Variants in IQCJ observed in about 807,000 individuals in gnomAD.
IQCJ encodes the protein IQ domain-containing protein J.
Under a neutral mutation model 11.0 loss-of-function variants are expected in IQCJ, and 9 were observed. The ratio of observed to expected loss-of-function variants is 0.82; its 90% CI spans 0.49 to 1.43. The LOEUF is 1.43. IQCJ is among the 40% of genes most tolerant of loss of function. The pLI is 0.00. For missense variants in IQCJ, 146 were observed against 133.2 expected (o/e 1.10, Z -0.47); for synonymous variants, 55 against 51.3 (o/e 1.07, Z -0.31).
chr3:159,260,511 G>A (rs941590419), intron 3 of IQCJ, among the ~76,000 whole-genome samples: 8 of 152,098 alleles, frequency 5.3e-5, no homozygotes, highest in Admixed American at 5.2e-4. Flanking sequence ...GAATTTGTTA[G>A]CTGGGCTCTG....
chr3:159,207,560 T>C (rs550264074), intron 1 of IQCJ, among the ~76,000 whole-genome samples: 10 of 152,210 alleles, frequency 6.6e-5, no homozygotes, highest in Non-Finnish European at 1.3e-4. Context: ...GTTGTTGCCT[T>C]GATGGGTTTC....
At chr3:159,223,312 C>T (rs1725655943) in intron 1 of IQCJ, among the ~76,000 whole-genome samples, 1 of 151,866 alleles carries the variant, frequency 6.6e-6, no homozygotes, top group African/African-American at 2.4e-5. Context: ...TAGGTAGCGG[C>T]CATATGCAAT....
intron 1 of IQCJ, among the ~76,000 whole-genome samples, chr3:159,121,588 A>G (rs553027232): frequency 1.3e-5 from 2 of 152,266 alleles, no homozygotes; most frequent in East Asian, 1.9e-4. Flanking sequence ...TTTTTGTCTG[A>G]GCTCCAGTTG....
intron 1 of IQCJ, among the ~76,000 whole-genome samples, chr3:159,133,947 CCACCAGGCTGTTTT>C (rs1297194980): frequency 6.6e-6 from 1 of 151,648 alleles, no homozygotes; most frequent in African/African-American, 2.4e-5. Flanking sequence ...ATCAAGGTAT[CCACCAGGCTGTTTT>C]CTCCTCCAAA....
chr3:159,144,235 A>G (rs1286673408), intron 1 of IQCJ, among the ~76,000 whole-genome samples: 1 of 152,206 alleles, frequency 6.6e-6, no homozygotes, highest in Non-Finnish European at 1.5e-5. Flanking sequence ...TTGAACATTT[A>G]TTCAGTTGCA....
chr3:159,239,418 A>T (rs534469829), intron 1 of IQCJ, among the ~76,000 whole-genome samples: 1 of 152,292 alleles, frequency 6.6e-6, no homozygotes, highest in African/African-American at 2.4e-5. Context: ...AGTGGCTGGC[A>T]CAAATTGCAA....
At chr3:159,243,440 A>C (rs1727055156) in intron 1 of IQCJ, among the ~76,000 whole-genome samples, 1 of 152,232 alleles carries the variant, frequency 6.6e-6, no homozygotes, top group African/African-American at 2.4e-5. Context: ...AGCAATAAAA[A>C]GAAATGAGCT....
chr3:159,079,525 T>C (rs964028421), intron 1 of IQCJ, among the ~76,000 whole-genome samples: 1 of 151,898 alleles, frequency 6.6e-6, no homozygotes, highest in South Asian at 2.1e-4. Flanking sequence ...TTATACTTAC[T>C]GAAAAAAATA....
At chr3:159,092,474 C>T (rs780949322) in intron 1 of IQCJ, among the ~76,000 whole-genome samples, 4 of 151,742 alleles carry the variant, frequency 2.6e-5, no homozygotes, top group African/African-American at 4.9e-5. Context: ...CCAAGGTGGG[C>T]GGATCACGAG....
chr3:159,132,201 A>C (rs1720031175), intron 1 of IQCJ, among the ~76,000 whole-genome samples: 1 of 152,180 alleles, frequency 6.6e-6, no homozygotes. Flanking sequence ...TTGTTTTTTA[A>C]GATTTAGGCT....
intron 1 of IQCJ, among the ~76,000 whole-genome samples, chr3:159,161,771 C>T (rs1166150333): frequency 6.6e-6 from 1 of 152,172 alleles, no homozygotes; most frequent in Non-Finnish European, 1.5e-5. Context: ...TTCCCAGCAC[C>T]ATTTATTAAA....
At chr3:159,188,098 TTTTC>T (rs1723477374) in intron 1 of IQCJ, among the ~76,000 whole-genome samples, 1 of 152,104 alleles carries the variant, frequency 6.6e-6, no homozygotes, top group African/African-American at 2.4e-5. Flanking sequence ...CTCTCAGCCT[TTTTC>T]TTTCTTTCAC....
chr3:159,174,233 G>T (rs1722651302), intron 1 of IQCJ, among the ~76,000 whole-genome samples: 1 of 151,998 alleles, frequency 6.6e-6, no homozygotes, highest in African/African-American at 2.4e-5. Flanking sequence ...CCATCTTCCA[G>T]ATTTCTCTAA....
At chr3:159,176,125 C>A (rs1046910074) in intron 1 of IQCJ, among the ~76,000 whole-genome samples, 4 of 152,042 alleles carry the variant, frequency 2.6e-5, no homozygotes, top group Non-Finnish European at 4.4e-5. Flanking sequence ...CATGTTTAAC[C>A]AAACTGCTTG....
downstream of IQCJ, chr3:159,265,136 C>T (rs1728427326): frequency 8.4e-7 from 1 of 1,197,586 alleles, no homozygotes; most frequent in Admixed American, 2.2e-5. Context: ...ATATCCAAGT[C>T]ACAGTTTAAA....
At chr3:159,177,199 A>T (rs1722843498) in intron 1 of IQCJ, among the ~76,000 whole-genome samples, 1 of 152,178 alleles carries the variant, frequency 6.6e-6, no homozygotes, top group Non-Finnish European at 1.5e-5. Context: ...ATCAATGGGG[A>T]TCTTTTTGAA....
At chr3:159,107,273 TA>T (rs1355179870) in intron 1 of IQCJ, among the ~76,000 whole-genome samples, 1 of 152,126 alleles carries the variant, frequency 6.6e-6, no homozygotes, top group Non-Finnish European at 1.5e-5. Context: ...AGTGACCTTA[TA>T]AAAAAGACCC....
intron 1 of IQCJ, among the ~76,000 whole-genome samples, chr3:159,085,187 G>A (rs1414404771): frequency 1.3e-5 from 2 of 151,628 alleles, no homozygotes; most frequent in Non-Finnish European, 2.9e-5. Context: ...TTGTTCTTGC[G>A]ATAGTTTACT....
At chr3:159,197,104 A>T (rs1400192928) in intron 1 of IQCJ, among the ~76,000 whole-genome samples, 1 of 152,066 alleles carries the variant, frequency 6.6e-6, no homozygotes, top group African/African-American at 2.4e-5. Context: ...TGCCACTTGT[A>T]TGTAAGCAGT....
Sources: gnomAD v4.1 joint callset for allele counts (sites outside exome capture counted in the v4.1 genomes callset) on GRCh38, gnomAD v4.1.1 for gene constraint, MANE v1.5 for transcripts, NCBI Gene and HGNC (gene_info 2026-07-23, HGNC 2026-07-21) for gene names.